MICU1: variants seen among roughly 807,000 people sequenced by gnomAD.
MICU1 encodes the protein calcium uptake protein 1, mitochondrial.
A neutral mutation model predicts 56.8 loss-of-function variants in MICU1; 45 were observed. That is an observed-to-expected ratio of 0.79 (90% CI 0.62 to 1.02). MICU1 has a LOEUF of 1.02. Among genes scored for constraint, MICU1 ranks in the 50% least tolerant of loss-of-function variants. MICU1 has a pLI of 0.00. For synonymous variants in MICU1, 186 were observed against 195.1 expected, an observed-to-expected ratio of 0.95 and a Z score of 0.39; for missense variants, 504 against 587.1, an observed-to-expected ratio of 0.86 and a Z score of 1.46.
intron 10 of MICU1, among the ~76,000 whole-genome samples, chr10:72,383,736 A>G (rs1360990971): frequency 6.6e-6 from 1 of 152,168 alleles, no homozygotes; most frequent in Non-Finnish European, 1.5e-5. Context: ...ACTGAGAGTA[A>G]CTGATATATT....
At chr10:72,576,748 AG>A (rs906073302) in intron 1 of MICU1, among the ~76,000 whole-genome samples, 3 of 152,236 alleles carry the variant, frequency 2.0e-5, no homozygotes, top group Admixed American at 2.0e-4. Flanking sequence ...TTTCACAGCT[AG>A]AGAGAAGTCA....
chr10:72,519,036 G>A (rs1232625567), intron 5 of MICU1, among the ~76,000 whole-genome samples: 1 of 152,174 alleles, frequency 6.6e-6, no homozygotes, highest in Non-Finnish European at 1.5e-5. Context: ...AGAGCATTAT[G>A]TTGTTTTATG....
chr10:72,415,296 G>A (rs1346090110), intron 9 of MICU1, among the ~76,000 whole-genome samples: 2 of 152,078 alleles, frequency 1.3e-5, no homozygotes, highest in African/African-American at 2.4e-5. Flanking sequence ...GATTACAGGC[G>A]TGAGTCACTG....
chr10:72,495,844 G>C (rs1176291359), intron 6 of MICU1, among the ~76,000 whole-genome samples: 1 of 151,940 alleles, frequency 6.6e-6, no homozygotes, highest in East Asian at 1.9e-4. Context: ...CTTTTATCAT[G>C]TATACATACA....
At chr10:72,465,434 G>A (rs1247058383) in intron 8 of MICU1, among the ~76,000 whole-genome samples, 1 of 148,042 alleles carries the variant, frequency 6.8e-6, no homozygotes, top group Non-Finnish European at 1.5e-5. Context: ...GAGATACCCA[G>A]TGGAAGCCTG....
chr10:72,460,177 A>C (rs1397094901), intron 8 of MICU1, among the ~76,000 whole-genome samples: 1 of 152,204 alleles, frequency 6.6e-6, no homozygotes, highest in Non-Finnish European at 1.5e-5. Context: ...CACCATTCAA[A>C]ATACTTCATG....
At chr10:72,386,663 G>A (rs1862902427) in intron 10 of MICU1, among the ~76,000 whole-genome samples, 1 of 150,350 alleles carries the variant, frequency 6.7e-6, no homozygotes, top group Non-Finnish European at 1.5e-5. Context: ...GGGCTCAAGA[G>A]ATCCTCCTGC....
intron 1 of MICU1, among the ~76,000 whole-genome samples, chr10:72,586,665 C>A (rs1269728196): frequency 1.3e-5 from 2 of 150,986 alleles, no homozygotes; most frequent in African/African-American, 4.9e-5. Flanking sequence ...AAAAAAAAAA[C>A]CCATAGATAT....
chr10:72,370,975 G>A (rs1451586590), intron 11 of MICU1, among the ~76,000 whole-genome samples: 4 of 152,062 alleles, frequency 2.6e-5, no homozygotes, highest in African/African-American at 9.7e-5. Context: ...AGGTTGCAGT[G>A]AGCAGAGATG....
intron 8 of MICU1, among the ~76,000 whole-genome samples, chr10:72,426,797 C>T (rs577455055): frequency 9.2e-5 from 14 of 152,260 alleles, no homozygotes; most frequent in East Asian, 1.9e-4. Flanking sequence ...GATACTCAAC[C>T]GCTATCTTAA....
chr10:72,612,827 AG>A (rs1354797444), intron 1 of MICU1, among the ~76,000 whole-genome samples: 1 of 151,930 alleles, frequency 6.6e-6, no homozygotes, highest in Non-Finnish European at 1.5e-5. Flanking sequence ...TGGGATGCAT[AG>A]GAAGAATGCA....
intron 8 of MICU1, among the ~76,000 whole-genome samples, chr10:72,449,689 C>T (rs763889549): frequency 6.6e-6 from 1 of 152,022 alleles, no homozygotes; most frequent in East Asian, 1.9e-4. Context: ...GAAACATAAA[C>T]GATACTTCTC....
rs548497835 is a variant in MICU1, at chr10:72,611,597, C to T, written c.-2+14413G>A. 7.0e-4 allele frequency among the ~76,000 whole-genome samples: 106 copies of T among 151,566 alleles called. 2 individuals are homozygous for T. Among genetic ancestry groups the T allele is most frequent in the Non-Finnish European group, 3.1e-4 (21 of 67,896 alleles). On this transcript the variant is annotated intron_variant, in intron 1 of 11. Coordinates refer to ENST00000361114, the MANE Select transcript of MICU1 (RefSeq NM_001195518.2). ...TCTCAAAAAAAAGAAAAAGAAAAAA[C>T]CCTAAAAAGAAAGCCCTGTGTTAAG...
At chr10:72,536,298 C>T (rs2132415961) in intron 4 of MICU1, among the ~76,000 whole-genome samples, 1 of 151,846 alleles carries the variant, frequency 6.6e-6, no homozygotes, top group Non-Finnish European at 1.5e-5. Context: ...CACTATGTAC[C>T]CCATAAATAT....
chr10:72,410,638 C>A (rs145504498), intron 9 of MICU1, among the ~76,000 whole-genome samples: 2,175 of 151,836 alleles, frequency 0.014, 45 homozygotes, highest in African/African-American at 0.048. Flanking sequence ...ACAAAACAAC[C>A]AAAAAACAAA....
At position 72,475,189 on chromosome 10, in the gene MICU1, A is replaced by G; in HGVS notation, c.844T>C (p.Phe282Leu). The G allele has an allele frequency of 6.2e-7, 1 of 1,611,522 alleles. No homozygotes were observed. Among genetic ancestry groups the G allele is most frequent in the Non-Finnish European group, 8.5e-7 (1 of 1,178,830 alleles). ...TTTCCCTTCAGATCAGCTCCAAAAA[A>G]GTAGGTTGTGAGGGCTGAACACAAG... is the stretch of plus-strand genomic sequence containing the variant. ...SGLCSALTTY[F>L]FGADLKGKLT... The change falls in exon 8 of 12, where the codon TTT (phenylalanine) becomes CTT (leucine). Residue 282 changes from phenylalanine to leucine, a missense_variant. Physicochemically the swap from Phe to Leu is conservative, Grantham distance 22 (BLOSUM62 0). Transcript: ENST00000361114.
At position 72,475,129 on chromosome 10, in the gene MICU1, T is replaced by A. The variant is rs757014536; in HGVS notation, c.904A>T (p.Lys302Ter). 6.2e-7 allele frequency: 1 copy of A among 1,610,856 alleles called. No homozygotes were observed. ...AGCTTCAGAACATCATGCTGCAGTTTACGCTGAAATTCGAGGAAGTTTTTG... is the reference window on the plus strand; with the variant it reads ...AGCTTCAGAACATCATGCTGCAGTTAACGCTGAAATTCGAGGAAGTTTTTG... Reference protein sequence around the residue: ...TIKNFLEFQRKLQHDVLKLEF... With the variant: ...TIKNFLEFQR Residue 302 changes from lysine (K) to a stop codon, truncating the protein, a stop_gained, in exon 8 of 12, where the codon AAA becomes TAA. Transcript: ENST00000361114. LOFTEE classifies it high-confidence loss of function.
At position 72,475,165 on chromosome 10, in the gene MICU1, T is replaced by C; in HGVS notation, c.868A>G (p.Lys290Glu). The C allele has an allele frequency of 6.2e-7, 1 of 1,611,580 alleles. No homozygotes were observed. The highest frequency in any genetic ancestry group is 1.3e-5 in the African/African-American group (1 of 75,002). The change falls in exon 8 of 12, where the codon AAG becomes GAG. Residue 290 changes from lysine (K) to glutamate (E), a missense_variant. Physicochemically the swap from Lys to Glu is moderately conservative, Grantham distance 56 (BLOSUM62 1). Transcript: ENST00000361114. ...TYFFGADLKG[K>E]LTIKNFLEFQ... ...TCGAGGAAGTTTTTGATTGTCAGCT[T>C]TCCCTTCAGATCAGCTCCAAAAAAG...
At chr10:72,559,916 T>C (rs534139290) in intron 3 of MICU1, among the ~76,000 whole-genome samples, 1 of 152,330 alleles carries the variant, frequency 6.6e-6, no homozygotes, top group South Asian at 2.1e-4. Context: ...GATTGTGAAC[T>C]GCACATGCAA....
Sources: allele counts gnomAD v4.1 joint callset (sites outside exome capture counted in the v4.1 genomes callset), GRCh38; gene constraint gnomAD v4.1.1; transcripts MANE v1.5; gene names NCBI Gene and HGNC (gene_info 2026-07-23, HGNC 2026-07-21).